SNTB1: variants seen among roughly 807,000 people sequenced by gnomAD.
SNTB1 encodes the protein beta-1-syntrophin.
A neutral mutation model predicts 48.9 loss-of-function variants in SNTB1; 36 were observed. That is an observed-to-expected ratio of 0.74 (90% CI 0.56 to 0.97). The LOEUF is 0.97. Among genes scored for constraint, SNTB1 ranks in the 50% least tolerant of loss-of-function variants. SNTB1 has a pLI of 0.00. For synonymous variants in SNTB1, 299 were observed against 294.6 expected, an observed-to-expected ratio of 1.01 and a Z score of -0.15; for missense variants, 786 against 703.4, an observed-to-expected ratio of 1.12 and a Z score of -1.33.
intron 3 of SNTB1, among the ~76,000 whole-genome samples, chr8:120,576,171 T>C (rs1266879636): frequency 6.6e-6 from 1 of 152,186 alleles, no homozygotes; most frequent in South Asian, 2.1e-4. Flanking sequence ...GAGTCCGCAT[T>C]TTAACAAAAT....
At chr8:120,583,021 C>T (rs1053063603) in intron 3 of SNTB1, among the ~76,000 whole-genome samples, 2 of 152,020 alleles carry the variant, frequency 1.3e-5, no homozygotes, top group Admixed American at 6.5e-5. Flanking sequence ...ATAATCCCAG[C>T]GATTTCGTAG....
intron 2 of SNTB1, among the ~76,000 whole-genome samples, chr8:120,633,834 C>T (rs1817023920): frequency 6.6e-6 from 1 of 152,066 alleles, no homozygotes; most frequent in Non-Finnish European, 1.5e-5. Flanking sequence ...GTCTGGGATG[C>T]CCTTCACCAG....
intron 1 of SNTB1, among the ~76,000 whole-genome samples, chr8:120,709,163 A>G (rs796960290): frequency 8.5e-5 from 13 of 152,248 alleles, no homozygotes; most frequent in African/African-American, 3.1e-4. Context: ...AAGCACCTAG[A>G]ACTTGTTATA....
Position 120,548,805 on chromosome 8 carries a change from C to G in SNTB1, c.1290G>C (p.Gln430His). 1 of 1,614,132 alleles carries G rather than the reference C, an allele frequency of 6.2e-7. No homozygotes were observed. Among genetic ancestry groups the G allele is most frequent in the Non-Finnish European group, 8.5e-7 (1 of 1,180,002 alleles). ...TGAGTTCAGCAGAATTGTGGCAACC[C>G]TGTACTATGCTCCTTGTCCAGTGGG... ...DLSHWTRSIV[Q>H]GCHNSAELIA... The change falls in exon 5 of 7, where the codon CAG becomes CAC. Residue 430 changes from glutamine (Q) to histidine (H), a missense_variant. Coordinates refer to ENST00000517992, the MANE Select transcript of SNTB1 (RefSeq NM_021021.4).
At chr8:120,617,315 T>A (rs765487556) in intron 3 of SNTB1, among the ~76,000 whole-genome samples, 1 of 152,154 alleles carries the variant, frequency 6.6e-6, no homozygotes, top group Non-Finnish European at 1.5e-5. Context: ...TTATAACTCA[T>A]GTGGTTCTTA....
At chr8:120,755,573 G>C (rs916571188) in intron 1 of SNTB1, among the ~76,000 whole-genome samples, 6 of 151,994 alleles carry the variant, frequency 3.9e-5, no homozygotes. Flanking sequence ...TGTCAAAAAA[G>C]GAAACTCATA....
intron 3 of SNTB1, among the ~76,000 whole-genome samples, chr8:120,601,130 T>C (rs1816415046): frequency 6.6e-6 from 1 of 152,018 alleles, no homozygotes; most frequent in African/African-American, 2.4e-5. Context: ...GGAATCTGGA[T>C]GGGTCAGACA....
intron 1 of SNTB1, among the ~76,000 whole-genome samples, chr8:120,722,067 C>T (rs1256563563): frequency 6.6e-6 from 1 of 152,192 alleles, no homozygotes; most frequent in East Asian, 1.9e-4. Context: ...AGGACATGAA[C>T]TCATCCTTTT....
chr8:120,714,802 A>C (rs769744240), intron 1 of SNTB1, among the ~76,000 whole-genome samples: 3 of 152,222 alleles, frequency 2.0e-5, no homozygotes, highest in Non-Finnish European at 4.4e-5. Context: ...TATAGAAGAA[A>C]GTCTCCTCAA....
At chr8:120,665,359 G>A (rs1166326772) in intron 2 of SNTB1, among the ~76,000 whole-genome samples, 1 of 152,156 alleles carries the variant, frequency 6.6e-6, no homozygotes. Context: ...GGCTGAGGCA[G>A]GAGAATTGCT....
At chr8:120,774,359 C>G (rs908570986) in intron 1 of SNTB1, among the ~76,000 whole-genome samples, 5 of 152,214 alleles carry the variant, frequency 3.3e-5, no homozygotes. Context: ...GGCCATGTGG[C>G]TATCTCATGC....
chr8:120,642,469 C>A (rs1032683276), intron 2 of SNTB1, among the ~76,000 whole-genome samples: 1 of 152,206 alleles, frequency 6.6e-6, no homozygotes. Flanking sequence ...AGATTGAAGA[C>A]CACCACAGGC....
At chr8:120,678,001 C>T (rs892515696) in intron 2 of SNTB1, among the ~76,000 whole-genome samples, 3 of 152,026 alleles carry the variant, frequency 2.0e-5, no homozygotes, top group Admixed American at 6.5e-5. Context: ...TTTAATAATA[C>T]AGGCAGTGAA....
intron 3 of SNTB1, among the ~76,000 whole-genome samples, chr8:120,632,159 A>G (rs896929109): frequency 2.0e-5 from 3 of 152,254 alleles, no homozygotes; most frequent in African/African-American, 7.2e-5. Flanking sequence ...TCATACATAG[A>G]TGTTAAAATA....
chr8:120,772,409 C>A (rs1819653372), intron 1 of SNTB1, among the ~76,000 whole-genome samples: 1 of 151,756 alleles, frequency 6.6e-6, no homozygotes, highest in Non-Finnish European at 1.5e-5. Context: ...CCACACCCAG[C>A]TAATTATTTC....
chr8:120,707,642 T>G (rs35821494), intron 1 of SNTB1, among the ~76,000 whole-genome samples: 1 of 152,066 alleles, frequency 6.6e-6, no homozygotes, highest in African/African-American at 2.4e-5. Context: ...AATAAACCCA[T>G]AGAAAAATTT....
intron 2 of SNTB1, chr8:120,637,814 G>T: frequency 3.3e-6 from 1 of 304,622 alleles, no homozygotes; most frequent in South Asian, 3.3e-5. Flanking sequence ...ATTTCAAGTT[G>T]CTCTGTCTCT....
At chr8:120,653,790 A>G (rs564783349) in intron 2 of SNTB1, among the ~76,000 whole-genome samples, 8 of 152,148 alleles carry the variant, frequency 5.3e-5, no homozygotes, top group Middle Eastern at 3.4e-3. Flanking sequence ...CTGTAATCCC[A>G]GCACTTTGGG....
chr8:120,600,190 A>G (rs1013279667), intron 3 of SNTB1, among the ~76,000 whole-genome samples: 1 of 152,218 alleles, frequency 6.6e-6, no homozygotes, highest in Admixed American at 6.5e-5. Flanking sequence ...ATGCAGCAGA[A>G]GTGATGCTGT....
Sources: gnomAD v4.1 joint callset for allele counts (sites outside exome capture counted in the v4.1 genomes callset) on GRCh38, gnomAD v4.1.1 for gene constraint, MANE v1.5 for transcripts, NCBI Gene and HGNC (gene_info 2026-07-23, HGNC 2026-07-21) for gene names.